The following KIAA0040 variants were observed in gnomAD, a reference collection of about 807,000 sequenced individuals.
The protein encoded by KIAA0040 is KIAA0040.
KIAA0040 carries 10 observed loss-of-function variants against 7.2 expected under a neutral mutation model. The ratio of observed to expected loss-of-function variants is 1.38; its 90% CI spans 0.85 to 2.34. The LOEUF is 2.34. Among genes scored for constraint, KIAA0040 ranks in the 30% most tolerant of loss-of-function variants. The probability of loss-of-function intolerance (pLI) is 0.00; values close to 1 mark genes in which losing one functional copy is unlikely to be tolerated. For synonymous variants in KIAA0040, 49 were observed against 40.1 expected (o/e 1.22, Z -0.84); for missense variants, 89 against 108.2 (o/e 0.82, Z 0.79).
intron 2 of KIAA0040, among the ~76,000 whole-genome samples, chr1:175,169,444 G>A (rs1422359438): frequency 3.9e-5 from 6 of 152,202 alleles, no homozygotes; most frequent in South Asian, 2.1e-4. Context: ...ATGTGAGAAT[G>A]AAATGAGTCA....
At chr1:175,163,508 C>T (rs1330423166) in intron 3 of KIAA0040, among the ~76,000 whole-genome samples, 1 of 152,224 alleles carries the variant, frequency 6.6e-6, no homozygotes, top group African/African-American at 2.4e-5. Context: ...TGCCCACACA[C>T]CATCAAGCTG....
intron 3 of KIAA0040, among the ~76,000 whole-genome samples, chr1:175,164,260 C>G (rs1005261790): frequency 6.6e-6 from 1 of 152,210 alleles, no homozygotes; most frequent in Non-Finnish European, 1.5e-5. Context: ...ATCCGTTTAT[C>G]AAACATTCAC....
chr1:175,160,365 T>A lies in KIAA0040; in HGVS notation c.*349A>T, dbSNP rs1035488391. On this transcript the variant is annotated 3_prime_UTR_variant, in exon 4 of 4. Coordinates refer to ENST00000423313, the MANE Select transcript of KIAA0040 (RefSeq NM_014656.3). ...CCTGCTACCTGAATTTGTGTGTGTG[T>A]GTGTTACGTGCATGTGCACACACTT... is the stretch of plus-strand genomic sequence containing the variant. The A allele has an allele frequency of 4.2e-6, 1 of 236,620 alleles. No homozygotes were observed. Among genetic ancestry groups the A allele is most frequent in the Admixed American group, 5.1e-5 (1 of 19,600 alleles). The allele number at this position is 236,620 out of a possible 1,614,324, so 14.7% of individuals were successfully genotyped here. A position where few individuals can be genotyped will look rare whatever the true frequency, so the allele number is the denominator to read the frequency against.
At chr1:175,183,126 C>T (rs1316301345) in intron 1 of KIAA0040, among the ~76,000 whole-genome samples, 1 of 152,208 alleles carries the variant, frequency 6.6e-6, no homozygotes, top group African/African-American at 2.4e-5. Context: ...GCGGAGATAT[C>T]ATAGTTGAAA....
intron 1 of KIAA0040, among the ~76,000 whole-genome samples, chr1:175,189,727 T>G (rs1677799231): frequency 6.6e-6 from 1 of 152,244 alleles, no homozygotes; most frequent in Admixed American, 6.5e-5. Flanking sequence ...TACATTTTTA[T>G]AGAGTCTTAC....
chr1:175,192,464 G>A (rs2101919390), intron 1 of KIAA0040, among the ~76,000 whole-genome samples, 176 bp downstream of exon 1: 1 of 152,246 alleles, frequency 6.6e-6, no homozygotes, highest in South Asian at 2.1e-4. Flanking sequence ...GCGAAGGAGG[G>A]AAACACACCA....
Position 175,160,956 on chromosome 1 carries a change from G to T in KIAA0040, c.58C>A (p.Gln20Lys). ...CAGATGGTGTTGTAGATGCCTTCTT[G>T]GTGTTTGGTCAAGATGGTGTCCCAG... ...SIWDTILTKH[Q>K]EGIYNTICLG... The change falls in exon 4 of 4, where the codon CAA becomes AAA. Residue 20 changes from glutamine to lysine, a missense_variant. Physicochemically the swap from Gln to Lys is moderately conservative, Grantham distance 53. Transcript: ENST00000423313. The T allele has an allele frequency of 1.9e-6, 3 of 1,551,524 alleles. No homozygotes were observed. The highest frequency in any genetic ancestry group is 1.2e-5 in the South Asian group (1 of 84,030).
rs79358322 is a variant in KIAA0040 at position 175,186,123 on chromosome 1, C to T, written c.-384+6517G>A. On this transcript the variant is annotated intron_variant, in intron 1 of 3. Transcript: ENST00000423313. ...TTGAAACTAGATGGAGGGGTGATTG[C>T]ACAATATTCTGAATGTACTAAATGC... Among the ~76,000 whole-genome samples, 1,490 of 152,194 alleles carry T rather than the reference C, an allele frequency of 9.8e-3. 21 individuals carry two copies. Among genetic ancestry groups the T allele is most frequent in the African/African-American group, 0.029 (1,212 of 41,508 alleles).
intron 1 of KIAA0040, among the ~76,000 whole-genome samples, chr1:175,184,811 G>A (rs1227688132): frequency 1.3e-5 from 2 of 152,190 alleles, no homozygotes; most frequent in African/African-American, 2.4e-5. Context: ...GCCAGGATAA[G>A]TGCTCTATCT....
intron 3 of KIAA0040, among the ~76,000 whole-genome samples, chr1:175,165,846 C>T (rs962533748): frequency 8.5e-5 from 13 of 152,220 alleles, no homozygotes; most frequent in Non-Finnish European, 1.2e-4. Flanking sequence ...CTGTTCCTTC[C>T]GGTGCTCTCC....
rs1233509454 is a variant in KIAA0040 at position 175,157,676 on chromosome 1, C to T, written c.*3038G>A. The T allele has an allele frequency of 6.6e-6, 1 of 152,014 alleles. No individual in the cohort carries two copies. The highest frequency in any genetic ancestry group is 1.5e-5 in the Non-Finnish European group (1 of 67,998). The allele number at this position is 152,014 out of a possible 1,614,324, so 9.4% of individuals were successfully genotyped here. A position where few individuals can be genotyped will look rare whatever the true frequency, so the allele number is the denominator to read the frequency against. On this transcript the variant is annotated 3_prime_UTR_variant, in exon 4 of 4. Transcript: ENST00000423313. ...AGGTGGCTGCCATTTTTCTACCTTT[C>T]TCCCTCCCTGCTCCCCCCAAGAAAA...
At chr1:175,187,277 G>A (rs1380100698) in intron 1 of KIAA0040, among the ~76,000 whole-genome samples, 1 of 152,152 alleles carries the variant, frequency 6.6e-6, no homozygotes, top group Non-Finnish European at 1.5e-5. Context: ...AAATCTGTGG[G>A]AGCCAAGAAA....
intron 2 of KIAA0040, among the ~76,000 whole-genome samples, chr1:175,172,083 T>G (rs1264302625): frequency 6.6e-6 from 1 of 152,242 alleles, no homozygotes; most frequent in Non-Finnish European, 1.5e-5. Flanking sequence ...TTCTTTACTC[T>G]TTTCCCTTTC....
rs1057246 is a variant in KIAA0040 at position 175,158,398 on chromosome 1, G to C, written c.*2316C>G. 0.4 allele frequency: 60,384 copies of C among 152,070 alleles called. 12,427 individuals carry two copies. Among genetic ancestry groups the C allele is most frequent in the Non-Finnish European group, 0.45 (30,910 of 67,982 alleles). 9.4% of individuals were successfully genotyped at this position (152,070 alleles called of 1,614,324 possible). A position where few individuals can be genotyped will look rare whatever the true frequency, so the allele number is the denominator to read the frequency against. On this transcript the variant is annotated 3_prime_UTR_variant, in exon 4 of 4. Transcript: ENST00000423313. ...CAACTGACTGCTGTCTTAATTCAAA[G>C]GAGCAAGCAGTTGCCATGGAAACCA...
chr1:175,186,185 T>C (rs1270484287), intron 1 of KIAA0040, among the ~76,000 whole-genome samples: 1 of 152,258 alleles, frequency 6.6e-6, no homozygotes, highest in Non-Finnish European at 1.5e-5. Context: ...TAATTTTATG[T>C]AACATAAATT....
At chr1:175,171,208 C>T (rs536269946) in intron 2 of KIAA0040, among the ~76,000 whole-genome samples, 1 of 152,334 alleles carries the variant, frequency 6.6e-6, no homozygotes, top group African/African-American at 2.4e-5. Context: ...AACCCCCAGC[C>T]AACCCCTATC....
intron 1 of KIAA0040, among the ~76,000 whole-genome samples, chr1:175,191,728 C>A (rs1677875236): frequency 6.6e-6 from 1 of 152,194 alleles, no homozygotes; most frequent in Non-Finnish European, 1.5e-5. Flanking sequence ...TTAAAATTAG[C>A]TTCAGGTCCT....
At position 175,184,365 on chromosome 1, in the gene KIAA0040, G is replaced by A. The variant is rs534457446; in HGVS notation, c.-383-6681C>T. On this transcript the variant is annotated intron_variant, in intron 1 of 3. Transcript: ENST00000423313. ...CCCTGGGCATTGGCCGACCTCACAC[G>A]GTGCCACTGGAAGGCCTCCTGCCCC... 3.9e-3 allele frequency among the ~76,000 whole-genome samples: 591 copies of A among 152,234 alleles called. 2 individuals carry two copies. The highest frequency in any genetic ancestry group is 6.2e-3 in the Non-Finnish European group (422 of 68,012).
At chr1:175,165,171 C>T (rs922437689) in intron 3 of KIAA0040, among the ~76,000 whole-genome samples, 3 of 152,114 alleles carry the variant, frequency 2.0e-5, no homozygotes, top group African/African-American at 7.2e-5. Flanking sequence ...CTTTCTGTCG[C>T]AAACTTCTAT....
Sources: gnomAD v4.1 joint callset for allele counts (sites outside exome capture counted in the v4.1 genomes callset) on GRCh38, gnomAD v4.1.1 for gene constraint, MANE v1.5 for transcripts, NCBI Gene and HGNC (gene_info 2026-07-23, HGNC 2026-07-21) for gene names.